HEATR5B: variants seen among roughly 807,000 people sequenced by gnomAD.
HEATR5B encodes the protein HEAT repeat-containing protein 5B.
HEATR5B carries 156 observed loss-of-function variants against 224.1 expected under a neutral mutation model. The observed-to-expected ratio is 0.70, with a 90% CI of 0.61 to 0.80. The LOEUF is 0.80. HEATR5B is among the 30% of genes least tolerant of loss of function. The probability of loss-of-function intolerance (pLI) is 0.00; values close to 1 mark genes in which losing one functional copy is unlikely to be tolerated. For synonymous variants in HEATR5B, 1,027 were observed against 893.0 expected, an observed-to-expected ratio of 1.15 and a Z score of -2.68; for missense variants, 2,323 against 2,535.5, an observed-to-expected ratio of 0.92 and a Z score of 1.80.
intron 18 of HEATR5B, 107 bp downstream of exon 18, chr2:37,049,546 A>G (rs1670406951): frequency 1.0e-6 from 1 of 962,008 alleles, no homozygotes; most frequent in Non-Finnish European, 1.6e-6. Flanking sequence ...CCCACAAAAT[A>G]TTATCACATG....
At chr2:36,989,415 T>C (rs1000849583) in intron 34 of HEATR5B, among the ~76,000 whole-genome samples, 1 of 152,210 alleles carries the variant, frequency 6.6e-6, no homozygotes, top group African/African-American at 2.4e-5. Flanking sequence ...TGAAATAAGT[T>C]AGAAATCAGT....
Position 37,028,064 on chromosome 2 carries a change from T to G in HEATR5B, c.3712A>C (p.Lys1238Gln). ...GCCCAGCGAGGGGCCACAAAGGGCTTTGATTTATCTTCTTCACCTAACGTG... is the reference window on the plus strand; with the variant it reads ...GCCCAGCGAGGGGCCACAAAGGGCTGTGATTTATCTTCTTCACCTAACGTG... Reference protein sequence around the residue: ...FTTLGEEDKSKPFVAPRWATR... With the variant: ...FTTLGEEDKSQPFVAPRWATR... The change falls in exon 24 of 36, where the codon AAG becomes CAG. Residue 1238 changes from lysine (K) to glutamine (Q), a missense_variant. By Grantham distance (53) the Lys-to-Gln change is moderately conservative. Around this residue, in one of 12 missense-constraint regions of HEATR5B, gnomAD observed 339 missense variants for 378.4 expected, o/e 0.90. Transcript: ENST00000233099. 1.2e-6 allele frequency: 2 copies of G among 1,614,136 alleles called. No individual in the cohort carries two copies. The highest frequency in any genetic ancestry group is 1.7e-6 in the Non-Finnish European group (2 of 1,179,960).
At chr2:37,065,031 C>A in intron 9 of HEATR5B, 41 bp from the exon 10 acceptor site, 2 of 1,584,148 alleles carry the variant, frequency 1.3e-6, no homozygotes, top group Non-Finnish European at 1.7e-6. Flanking sequence ...TTAATGAAGT[C>A]AAATGATTTC....
chr2:37,039,422 C>T (rs1426978592), intron 20 of HEATR5B, among the ~76,000 whole-genome samples: 2 of 151,776 alleles, frequency 1.3e-5, no homozygotes, highest in Non-Finnish European at 2.9e-5. Flanking sequence ...GCTGAGACCA[C>T]ACCACTGCAC....
intron 29 of HEATR5B, among the ~76,000 whole-genome samples, chr2:37,006,590 G>C (rs1025391928): frequency 6.6e-6 from 1 of 152,160 alleles, no homozygotes; most frequent in Non-Finnish European, 1.5e-5. Context: ...GCGGTGAACC[G>C]AGATTGCGCC....
chr2:37,064,878 T>A lies in HEATR5B; in HGVS notation c.1446A>T (p.Pro482=). Residue 482 remains proline (P), a synonymous_variant, in exon 10 of 36, where the codon CCA becomes CCT. Coordinates refer to ENST00000233099, the MANE Select transcript of HEATR5B (RefSeq NM_019024.3). The part of the protein sequence containing the change: ...VAVALPFQLT[P]FLDRCAERLN... ...GCCGTTCTGCACACCTGTCTAGAAA[T>A]GGTGTCAGCTGGAAAGGTAATGCCA... 6.2e-7 allele frequency: 1 copy of A among 1,614,118 alleles called. No homozygotes were observed.
chr2:37,056,270 G>C (rs1322639978), intron 16 of HEATR5B, among the ~76,000 whole-genome samples, 170 bp downstream of exon 16: 1 of 151,956 alleles, frequency 6.6e-6, no homozygotes, highest in African/African-American at 2.4e-5. Flanking sequence ...CAATTTGCAT[G>C]CAATTTTTTT....
At chr2:36,988,590 A>G (rs1666104677) in intron 35 of HEATR5B, 56 bp downstream of exon 35, 1 of 1,414,710 alleles carries the variant, frequency 7.1e-7, no homozygotes, top group Admixed American at 1.8e-5. Flanking sequence ...AATAAGATTT[A>G]TATACAATAC....
In HEATR5B at chr2:37,032,640, C is replaced by T. The variant is rs1458711946; in HGVS notation, c.3350G>A (p.Ser1117Asn). ...ATAATATAACTTACTGGCACTACTG[C>T]TCTCTTTGTCCCCTGTATTTTTTGC... Reference protein sequence around the residue: ...SLAKNTGDKESSSANVSPFAP... With the variant: ...SLAKNTGDKENSSANVSPFAP... The change falls in exon 22 of 36, where the codon AGC becomes AAC. Residue 1117 changes from serine to asparagine, a missense_variant. Around this residue, in one of 12 missense-constraint regions of HEATR5B, gnomAD observed 339 missense variants for 378.4 expected, o/e 0.90. Coordinates refer to ENST00000233099, the MANE Select transcript of HEATR5B (RefSeq NM_019024.3). 6.2e-7 allele frequency: 1 copy of T among 1,612,238 alleles called. No individual in the cohort carries two copies. Among genetic ancestry groups the T allele is most frequent in the East Asian group, 2.2e-5 (1 of 44,888 alleles).
At chr2:37,052,599 C>G (rs1049802866) in intron 17 of HEATR5B, among the ~76,000 whole-genome samples, 2 of 152,204 alleles carry the variant, frequency 1.3e-5, no homozygotes, top group African/African-American at 4.8e-5. Flanking sequence ...CTCTTCTTCA[C>G]TTAAAGGAAG....
chr2:37,058,638 T>C (rs778982453), intron 13 of HEATR5B, 78 bp from the exon 14 acceptor site: 55 of 952,882 alleles, frequency 5.8e-5, no homozygotes, highest in Non-Finnish European at 8.0e-5. Context: ...AATGTATCAA[T>C]GTACTGCCAA....
At chr2:36,997,709 G>C (rs1231010153) in intron 33 of HEATR5B, among the ~76,000 whole-genome samples, 2 of 151,690 alleles carry the variant, frequency 1.3e-5, no homozygotes, top group Non-Finnish European at 2.9e-5. Flanking sequence ...TGGGACTACA[G>C]GCGCCCGCCA....
In HEATR5B at chr2:37,000,824, A is replaced by G; in HGVS notation, c.5318-11T>C. 1 of 1,544,570 alleles carries G rather than the reference A, an allele frequency of 6.5e-7. No homozygotes were observed. Among genetic ancestry groups the G allele is most frequent in the African/African-American group, 1.4e-5 (1 of 73,578 alleles). On this transcript the variant is annotated splice_polypyrimidine_tract_variant and intron_variant, in intron 32 of 35. Transcript: ENST00000233099. The stretch of plus-strand genomic sequence containing the variant: ...GGATTGTCATACATCCTGAAAGAAA[A>G]ACAAATCAGATCACCTCATAACTAT...
chr2:37,041,904 A>G (rs1669896658), intron 18 of HEATR5B, among the ~76,000 whole-genome samples: 1 of 151,868 alleles, frequency 6.6e-6, no homozygotes, highest in African/African-American at 2.4e-5. Context: ...TATATTTTTA[A>G]AAAACAAAAT....
At chr2:36,986,928 T>A (rs769208231) in intron 35 of HEATR5B, among the ~76,000 whole-genome samples, 1 of 151,972 alleles carries the variant, frequency 6.6e-6, no homozygotes, top group African/African-American at 2.4e-5. Flanking sequence ...ATTTTTTGTA[T>A]TTTTAGTAGA....
At chr2:37,050,687 A>G (rs1670483088) in intron 17 of HEATR5B, among the ~76,000 whole-genome samples, 1 of 152,216 alleles carries the variant, frequency 6.6e-6, no homozygotes, top group African/African-American at 2.4e-5. Flanking sequence ...TGAATAGTTT[A>G]TATAAAAATT....
chr2:37,083,213 C>T, intron 2 of HEATR5B, 76 bp downstream of exon 2: 1 of 1,525,462 alleles, frequency 6.6e-7, no homozygotes, highest in Admixed American at 1.7e-5. Context: ...CAAAACATAA[C>T]ATGTGTTTTC....
chr2:37,048,728 G>A (rs1057195271), intron 18 of HEATR5B, among the ~76,000 whole-genome samples: 3 of 152,166 alleles, frequency 2.0e-5, no homozygotes, highest in Non-Finnish European at 2.9e-5. Context: ...TTCTGCAGAA[G>A]ATTAAGTGTC....
intron 10 of HEATR5B, 124 bp downstream of exon 10, chr2:37,064,614 CTA>C (rs1341729713): frequency 3.4e-6 from 3 of 881,718 alleles, no homozygotes; most frequent in Non-Finnish European, 5.3e-6. Flanking sequence ...AGTAAGAACA[CTA>C]TGTTTTATGA....
Sources: gnomAD v4.1 joint callset for allele counts (sites outside exome capture counted in the v4.1 genomes callset) on GRCh38, gnomAD v4.1.1 for gene constraint, gnomAD v4.1.1 regional missense constraint, MANE v1.5 for transcripts, NCBI Gene and HGNC (gene_info 2026-07-23, HGNC 2026-07-21) for gene names.